Variants in FAM135B observed in about 807,000 individuals in gnomAD.
FAM135B encodes family with sequence similarity 135 member B, also known as protein FAM135B.
Under a neutral mutation model 127.7 loss-of-function variants are expected in FAM135B, and 43 were observed. The observed-to-expected ratio is 0.34, with a 90% CI of 0.26 to 0.43. The LOEUF is 0.43. Among genes scored for constraint, FAM135B ranks in the 20% least tolerant of loss-of-function variants. FAM135B has a pLI of 1.00. For synonymous variants in FAM135B, 670 were observed against 665.1 expected, an observed-to-expected ratio of 1.01 and a Z score of -0.11; for missense variants, 1,558 against 1,725.6, an observed-to-expected ratio of 0.90 and a Z score of 1.72.
At chr8:138,209,452 G>A (rs1817966111) in intron 7 of FAM135B, among the ~76,000 whole-genome samples, 1 of 152,194 alleles carries the variant, frequency 6.6e-6, no homozygotes, top group Admixed American at 6.5e-5. Context: ...ATAAACAAGG[G>A]CATAGAGTGA....
chr8:138,296,259 T>C (rs1333986528), intron 3 of FAM135B, among the ~76,000 whole-genome samples: 1 of 152,162 alleles, frequency 6.6e-6, no homozygotes, highest in Non-Finnish European at 1.5e-5. Context: ...CTGGCTTCCT[T>C]TCAAATTTCA....
intron 1 of FAM135B, among the ~76,000 whole-genome samples, chr8:138,483,201 C>A (rs1814855987): frequency 6.6e-6 from 1 of 152,180 alleles, no homozygotes; most frequent in African/African-American, 2.4e-5. Flanking sequence ...AACCACATTT[C>A]TTCTTGTGTT....
rs1191759253 is a variant in FAM135B, at chr8:138,242,081, T to G, written c.669+861A>C. ...GACTGGAATGATACCACCTGCACTC[T>G]TGGGTCTCCAGCTTGCTGACTGAAG... On this transcript the variant is annotated intron_variant, in intron 7 of 19. Coordinates refer to ENST00000395297, the MANE Select transcript of FAM135B (RefSeq NM_015912.4). This position sits in a 1 kb window ranked among gnomAD's most constrained non-coding sequence, Gnocchi z 9.6. Among the ~76,000 whole-genome samples the G allele has an allele frequency of 6.6e-6, 1 of 152,144 alleles. No individual in the cohort carries two copies. Among genetic ancestry groups the G allele is most frequent in the East Asian group, 1.9e-4 (1 of 5,150 alleles).
chr8:138,316,362 C>A (rs1285902737), intron 2 of FAM135B, among the ~76,000 whole-genome samples: 2 of 151,996 alleles, frequency 1.3e-5, no homozygotes, highest in African/African-American at 4.8e-5. Flanking sequence ...GGCGCAGTGG[C>A]GGGCGCCTGT....
intron 1 of FAM135B, among the ~76,000 whole-genome samples, chr8:138,423,865 T>C (rs2131468139): frequency 6.6e-6 from 1 of 152,250 alleles, no homozygotes; most frequent in South Asian, 2.1e-4. Flanking sequence ...CAGGGGGCCA[T>C]TTTAGAGGCC....
intron 2 of FAM135B, among the ~76,000 whole-genome samples, chr8:138,317,587 G>C (rs535986862): frequency 5.9e-5 from 9 of 152,132 alleles, no homozygotes; most frequent in Admixed American, 1.3e-4. Context: ...TCAAAATAAA[G>C]CATTTAATTG....
chr8:138,139,132 C>A (rs4634694), intron 17 of FAM135B, 36 bp from the exon 18 acceptor site: 3 of 1,383,700 alleles, frequency 2.2e-6, no homozygotes, highest in Non-Finnish European at 2.0e-6. Context: ...ATCAAAAACA[C>A]AAAACAAAAC....
chr8:138,428,955 A>T (rs1835051943), intron 1 of FAM135B, among the ~76,000 whole-genome samples: 1 of 152,158 alleles, frequency 6.6e-6, no homozygotes, highest in Non-Finnish European at 1.5e-5. Context: ...GCAGTGGCCA[A>T]CGTACTGGGG....
chr8:138,169,091 A>T (rs1820198369), intron 11 of FAM135B, among the ~76,000 whole-genome samples: 1 of 152,094 alleles, frequency 6.6e-6, no homozygotes. Context: ...GAAATATATA[A>T]TATTTATGTA....
intron 1 of FAM135B, chr8:138,438,646 C>T (rs1835596259): frequency 1.3e-5 from 2 of 152,202 alleles, no homozygotes; most frequent in African/African-American, 4.8e-5. Flanking sequence ...AGAGAGGGAT[C>T]AGAGGATGGA....
At chr8:138,253,407 C>G (rs1172763167) in intron 5 of FAM135B, among the ~76,000 whole-genome samples, 10 of 152,118 alleles carry the variant, frequency 6.6e-5, no homozygotes, top group Non-Finnish European at 1.3e-4. Context: ...ATCATGCTTT[C>G]TTGTGGTGGG....
chr8:138,225,176 C>T (rs1345670589), intron 7 of FAM135B, among the ~76,000 whole-genome samples: 1 of 152,018 alleles, frequency 6.6e-6, no homozygotes, highest in Non-Finnish European at 1.5e-5. Context: ...ACAAAGTATA[C>T]ATAGATCAAA....
intron 9 of FAM135B, among the ~76,000 whole-genome samples, chr8:138,186,612 T>TA (rs1815607140): frequency 6.6e-6 from 1 of 152,118 alleles, no homozygotes; most frequent in African/African-American, 2.4e-5. Flanking sequence ...CACACCCCCA[T>TA]ACACCCTTTC....
chr8:138,228,182 C>G (rs1819619305), intron 7 of FAM135B, among the ~76,000 whole-genome samples: 1 of 152,080 alleles, frequency 6.6e-6, no homozygotes, highest in South Asian at 2.1e-4. Flanking sequence ...GTTTGACTCC[C>G]AAGTCTATCC....
At chr8:138,157,064 A>G (rs1293755245) in intron 12 of FAM135B, among the ~76,000 whole-genome samples, 2 of 152,190 alleles carry the variant, frequency 1.3e-5, no homozygotes, top group East Asian at 3.9e-4. Context: ...ACTGGCAAAC[A>G]GAATCCAGCA....
At chr8:138,258,493 C>T (rs562377559) in intron 4 of FAM135B, among the ~76,000 whole-genome samples, 2 of 152,294 alleles carry the variant, frequency 1.3e-5, no homozygotes, top group South Asian at 4.1e-4. Flanking sequence ...GAAAGCACTG[C>T]AGCCTCTTGT....
intron 1 of FAM135B, among the ~76,000 whole-genome samples, chr8:138,399,888 C>T (rs1833056742): frequency 6.6e-6 from 1 of 152,150 alleles, no homozygotes; most frequent in Admixed American, 6.5e-5. Context: ...GGAAATACAA[C>T]AAAAGCCATA....
At position 138,310,863 on chromosome 8, in the gene FAM135B, A is replaced by T. The variant is rs2130893017; in HGVS notation, c.135T>A (p.Ser45Arg). The change falls in exon 3 of 20, where the codon AGT (serine) becomes AGA (arginine). Residue 45 changes from serine (S) to arginine (R), a missense_variant. Physicochemically the swap from Ser to Arg is moderately radical, Grantham distance 110. Transcript: ENST00000395297. The part of the protein sequence containing the change: ...KVSSRIPHRL[S>R]ASIAGQTESS... ...CACCTGTCTGCCCAGCGATGGAGGC[A>T]CTCAGTCTGTGGGGGATCCTTGAAG... 1 of 1,613,938 alleles carries T rather than the reference A, an allele frequency of 6.2e-7. No individual in the cohort carries two copies. Among genetic ancestry groups the T allele is most frequent in the Non-Finnish European group, 8.5e-7 (1 of 1,179,940 alleles).
chr8:138,442,237 C>T (rs71532170), intron 1 of FAM135B, among the ~76,000 whole-genome samples: 27,215 of 51,804 alleles, frequency 0.53, 6,927 homozygotes, highest in Middle Eastern at 0.63. Context: ...ATATGGACAC[C>T]ATATATATAT....
Sources: gnomAD v4.1 joint callset for allele counts (sites outside exome capture counted in the v4.1 genomes callset) on GRCh38, gnomAD v4.1.1 for gene constraint, Gnocchi (gnomAD v3.1) non-coding constraint, MANE v1.5 for transcripts, NCBI Gene and HGNC (gene_info 2026-07-23, HGNC 2026-07-21) for gene names.